Variants in CSMD1 observed in about 807,000 individuals in gnomAD.
CSMD1 encodes CUB and sushi domain-containing protein 1.
A neutral mutation model predicts 417.5 loss-of-function variants in CSMD1; 213 were observed. The observed-to-expected ratio is 0.51, with a 90% CI of 0.46 to 0.57. The LOEUF is 0.57. CSMD1 is among the 20% of genes least tolerant of loss of function. CSMD1 has a pLI of 0.00. For synonymous variants in CSMD1, 2,862 were observed against 1,736.8 expected (o/e 1.65, Z -16.11); for missense variants, 6,923 against 4,529.7 (o/e 1.53, Z -15.17).
At chr8:3,808,738 T>C (rs1800892280) in intron 5 of CSMD1, among the ~76,000 whole-genome samples, 3 of 152,224 alleles carry the variant, frequency 2.0e-5, no homozygotes, top group Non-Finnish European at 1.5e-5. Context: ...CTCTCTTTCC[T>C]AGCATAGCCT....
At chr8:4,183,013 A>G (rs1432391370) in intron 3 of CSMD1, among the ~76,000 whole-genome samples, 1 of 152,224 alleles carries the variant, frequency 6.6e-6, no homozygotes, top group African/African-American at 2.4e-5. Context: ...GAGTAATTAC[A>G]TGGGATGAGT....
chr8:4,277,955 G>A (rs1297819128), intron 3 of CSMD1, among the ~76,000 whole-genome samples: 2 of 151,936 alleles, frequency 1.3e-5, no homozygotes, highest in Non-Finnish European at 1.5e-5. Flanking sequence ...TCACCATGCT[G>A]GCCAGGCTGG....
intron 3 of CSMD1, among the ~76,000 whole-genome samples, chr8:4,322,351 G>A (rs985147683): frequency 6.6e-6 from 1 of 152,098 alleles, no homozygotes; most frequent in Admixed American, 6.6e-5. Context: ...GAGCACTGGA[G>A]AGAGTTTAAA....
intron 10 of CSMD1, among the ~76,000 whole-genome samples, chr8:3,569,127 T>C (rs1007577050): frequency 1.3e-5 from 2 of 152,212 alleles, no homozygotes; most frequent in African/African-American, 4.8e-5. Context: ...GTTCCAATTG[T>C]TTAAAAATCT....
Position 3,230,120 on chromosome 8 carries a change from T to A in CSMD1, c.4265A>T (p.Gln1422Leu), listed in dbSNP as rs752487923. The A allele has an allele frequency of 6.2e-7, 1 of 1,613,802 alleles. No homozygotes were observed. The change falls in exon 27 of 70, where the codon CAG (glutamine) becomes CTG (leucine). Residue 1422 changes from glutamine (Q) to leucine (L), a missense_variant. Transcript: ENST00000635120. ...TVTFQCDPGY[Q>L]LQGQAKITCV... ...GGTGATTTTGGCTTGTCCTTGGAGC[T>A]GATAGCCAGGGTCACACTGGAATGT... is the stretch of plus-strand genomic sequence containing the variant.
chr8:4,092,836 A>C (rs1800791137), intron 3 of CSMD1, among the ~76,000 whole-genome samples: 1 of 152,134 alleles, frequency 6.6e-6, no homozygotes, highest in African/African-American at 2.4e-5. Flanking sequence ...TGATCAAAGC[A>C]CTTTGCTGGT....
At chr8:3,292,727 A>C (rs201290520) in intron 25 of CSMD1, among the ~76,000 whole-genome samples, 45 of 152,018 alleles carry the variant, frequency 3.0e-4, no homozygotes, top group Non-Finnish European at 3.7e-4. Context: ...TGTCTCTGCA[A>C]GTTAGATGGG....
intron 11 of CSMD1, among the ~76,000 whole-genome samples, chr8:3,470,110 T>C (rs920870839): frequency 6.6e-6 from 1 of 152,192 alleles, no homozygotes; most frequent in African/African-American, 2.4e-5. Flanking sequence ...AAAGCCTTCT[T>C]GTACCTTCTC....
In CSMD1 at chr8:3,829,357, C is replaced by G. The variant is rs781190742; in HGVS notation, c.819-75315G>C. On this transcript the variant is annotated intron_variant, in intron 5 of 69. Coordinates refer to ENST00000635120, the MANE Select transcript of CSMD1 (RefSeq NM_033225.6). Reference sequence around the variant, plus strand: ...ACCAGGTCTTTCTGGTTACTGAGAACTCTGTCAAACTATACCCCTTCAGAG... The same window carrying G: ...ACCAGGTCTTTCTGGTTACTGAGAAGTCTGTCAAACTATACCCCTTCAGAG... Among the ~76,000 whole-genome samples, 7 of 152,196 alleles carry G rather than the reference C, an allele frequency of 4.6e-5. 1 individual carries two copies. The highest frequency in any genetic ancestry group is 7.3e-5 in the Non-Finnish European group (5 of 68,050).
chr8:3,502,935 C>G (rs547197155), intron 10 of CSMD1, among the ~76,000 whole-genome samples: 1 of 152,116 alleles, frequency 6.6e-6, no homozygotes, highest in African/African-American at 2.4e-5. Flanking sequence ...AACAAACACA[C>G]CATGCTGAAA....
intron 25 of CSMD1, among the ~76,000 whole-genome samples, chr8:3,297,891 T>C (rs1248622346): frequency 6.6e-6 from 1 of 152,058 alleles, no homozygotes; most frequent in Admixed American, 6.6e-5. Context: ...ATTAAAAACC[T>C]GTGTTTATCA....
At chr8:4,962,767 G>A (rs1030969919) in intron 1 of CSMD1, among the ~76,000 whole-genome samples, 2 of 152,260 alleles carry the variant, frequency 1.3e-5, no homozygotes, top group Non-Finnish European at 2.9e-5. Flanking sequence ...CTTGGGATAT[G>A]GCAGAGAGAG....
At position 2,955,754 on chromosome 8, in the gene CSMD1, G is replaced by C. The variant is rs1802956234; in HGVS notation, c.9829C>G (p.Gln3277Glu). ...TCCGCGTGTGCCGGGGTTTCTGGCTGTCTGCAGGCATGAGCTGAAACAACA... is the reference window on the plus strand; with the variant it reads ...TCCGCGTGTGCCGGGGTTTCTGGCTCTCTGCAGGCATGAGCTGAAACAACA... ...QTECIPHACR[Q>E]PETPAHADVR... The change falls in exon 64 of 70, where the codon CAG becomes GAG. Residue 3277 changes from glutamine to glutamate, a missense_variant. Transcript: ENST00000635120. 6.2e-7 allele frequency: 1 copy of C among 1,613,788 alleles called. No individual in the cohort carries two copies. The highest frequency in any genetic ancestry group is 8.5e-7 in the Non-Finnish European group (1 of 1,179,776).
intron 11 of CSMD1, among the ~76,000 whole-genome samples, chr8:3,485,121 G>C (rs1349827190): frequency 6.6e-6 from 1 of 152,132 alleles, no homozygotes; most frequent in Non-Finnish European, 1.5e-5. Context: ...AAATGTCATA[G>C]TAGCTTTCTT....
At chr8:3,547,705 C>T (rs940393801) in intron 10 of CSMD1, among the ~76,000 whole-genome samples, 2 of 152,162 alleles carry the variant, frequency 1.3e-5, no homozygotes, top group South Asian at 2.1e-4. Context: ...ACTAAGCCTA[C>T]CTATATGAAA....
At chr8:3,171,083 AT>A (rs1820554085) in intron 37 of CSMD1, among the ~76,000 whole-genome samples, 1 of 152,246 alleles carries the variant, frequency 6.6e-6, no homozygotes, top group Non-Finnish European at 1.5e-5. Context: ...CTTGAAATTT[AT>A]GATTATAGTT....
At chr8:4,662,189 G>T (rs1026874451) in intron 1 of CSMD1, among the ~76,000 whole-genome samples, 1 of 152,034 alleles carries the variant, frequency 6.6e-6, no homozygotes, top group Non-Finnish European at 1.5e-5. Flanking sequence ...CTTAAACAGG[G>T]TCTAATAACC....
chr8:4,466,009 G>T (rs753006346), intron 2 of CSMD1, among the ~76,000 whole-genome samples: 10 of 152,300 alleles, frequency 6.6e-5, no homozygotes, highest in South Asian at 4.1e-4. Flanking sequence ...TTAAAGATGT[G>T]CAATCACATT....
At chr8:4,461,891 C>T (rs1001521383) in intron 2 of CSMD1, among the ~76,000 whole-genome samples, 5 of 151,898 alleles carry the variant, frequency 3.3e-5, no homozygotes, top group Non-Finnish European at 7.4e-5. Context: ...CAGGAGCCCG[C>T]CACCACGCCC....
Sources: allele counts gnomAD v4.1 joint callset (sites outside exome capture counted in the v4.1 genomes callset), GRCh38; gene constraint gnomAD v4.1.1; transcripts MANE v1.5; gene names NCBI Gene and HGNC (gene_info 2026-07-23, HGNC 2026-07-21).